ATM: variants seen among roughly 807,000 people sequenced by gnomAD.
The protein encoded by ATM is serine-protein kinase ATM.
A neutral mutation model predicts 387.0 loss-of-function variants in ATM; 308 were observed. That is an observed-to-expected ratio of 0.80 (90% CI 0.73 to 0.87). ATM has a LOEUF of 0.87. Ranked by LOEUF, ATM falls within the 40% of genes least tolerant of loss-of-function variation. The pLI, the probability that ATM is intolerant of heterozygous loss-of-function variation, is 0.00. For missense variants in ATM, 3,312 were observed against 3,560.9 expected (o/e 0.93, Z 1.78); for synonymous variants, 1,156 against 1,187.3 (o/e 0.97, Z 0.54).
chr11:108,331,470 T>A lies in ATM; in HGVS notation c.7542T>A (p.Tyr2514Ter), dbSNP rs777925486. ...GAGACGGAATGAAGATTCCAACATA[T>A]AAATTTTTGCCTCTTATGTACCAAT... The part of the protein sequence containing the change: ...MKRDGMKIPT[Y>*]KFLPLMYQLA... Residue 2514 changes from tyrosine (Y) to a stop codon, truncating the protein, a stop_gained, in exon 51 of 63, where the codon TAT (tyrosine) becomes TAA (stop). Transcript: ENST00000675843. LOFTEE classifies it high-confidence loss of function. 2 of 1,613,490 alleles carry A rather than the reference T, an allele frequency of 1.2e-6. No homozygotes were observed. Among genetic ancestry groups the A allele is most frequent in the South Asian group, 1.1e-5 (1 of 91,038 alleles).
chr11:108,338,723 TTAAAG>T (rs1190318755), intron 56 of ATM, among the ~76,000 whole-genome samples: 4 of 152,218 alleles, frequency 2.6e-5, no homozygotes, highest in African/African-American at 9.6e-5. Context: ...CATCTCAATA[TTAAAG>T]TAAAACCTGT....
rs774940342 is a variant in ATM, at chr11:108,247,145, T to G, written c.1065+18T>G. ...GTCACCAGGTACAGTAAGTAGGTCA[T>G]GTCACATTTAGAAATTTCCTGTTAA... is the stretch of plus-strand genomic sequence containing the variant. On this transcript the variant is annotated intron_variant, in intron 8 of 62. Transcript: ENST00000675843. 6.2e-7 allele frequency: 1 copy of G among 1,613,256 alleles called. No homozygotes were observed. Among genetic ancestry groups the G allele is most frequent in the Admixed American group, 1.7e-5 (1 of 59,988 alleles).
At chr11:108,250,582 A>C (rs866230078) in intron 9 of ATM, 119 bp from the exon 10 acceptor site, 2 of 1,133,516 alleles carry the variant, frequency 1.8e-6, no homozygotes, top group African/African-American at 3.1e-5. Flanking sequence ...TTAGAGTACT[A>C]TGGAAATGAT....
chr11:108,337,395 T>A (rs1220397532), intron 56 of ATM, among the ~76,000 whole-genome samples: 1 of 152,256 alleles, frequency 6.6e-6, no homozygotes, highest in Non-Finnish European at 1.5e-5. Context: ...CTATAAAGGC[T>A]ACTCTGTAGA....
intron 53 of ATM, among the ~76,000 whole-genome samples, chr11:108,333,282 T>C (rs2086479149): frequency 6.6e-6 from 1 of 152,198 alleles, no homozygotes; most frequent in Admixed American, 6.5e-5. Context: ...AAAAAAAGGC[T>C]TTACCATTTC....
Position 108,315,813 on chromosome 11 carries a change from A to G in ATM, c.6007-10A>G, listed in dbSNP as rs373395916. 9.3e-6 allele frequency: 15 copies of G among 1,605,696 alleles called. No homozygotes were observed. Among genetic ancestry groups the G allele is most frequent in the Non-Finnish European group, 1.2e-5 (14 of 1,172,922 alleles). Reference sequence around the variant, plus strand: ...TCCTTCTTCAATTTTTGTTGTTTCCATGTTTTCAGGATCTTCTCTTAGAAA... The same window carrying G: ...TCCTTCTTCAATTTTTGTTGTTTCCGTGTTTTCAGGATCTTCTCTTAGAAA... On this transcript the variant is annotated splice_polypyrimidine_tract_variant and intron_variant, in intron 40 of 62. Coordinates refer to ENST00000675843, the MANE Select transcript of ATM (RefSeq NM_000051.4).
intron 4 of ATM, among the ~76,000 whole-genome samples, chr11:108,233,147 C>T (rs1375845695): frequency 6.6e-6 from 1 of 152,198 alleles, no homozygotes; most frequent in Non-Finnish European, 1.5e-5. Flanking sequence ...TAGGCGTGAG[C>T]CACTGTGCCC....
At chr11:108,308,080 T>G in intron 38 of ATM, 96 bp downstream of exon 38, 1 of 1,115,820 alleles carries the variant, frequency 9.0e-7, no homozygotes, top group Non-Finnish European at 1.3e-6. Flanking sequence ...GGTGAAGGTG[T>G]TGCAAAGTGT....
Position 108,235,783 on chromosome 11 carries a change from ATTCT to A in ATM, c.450_453del (p.Ser151Ter), listed in dbSNP as rs771936821. On this transcript the variant is annotated frameshift_variant, in exon 5 of 63. Transcript: ENST00000675843. LOFTEE classifies it high-confidence loss of function. Reference sequence around the variant, plus strand: ...TTGTAGCAACATACTACTCAAAGACATTCTTTCTGTGAGAAAATACTGGTGTGAA... The same window carrying A: ...TTGTAGCAACATACTACTCAAAGACATTCTGTGAGAAAATACTGGTGTGAA... The A allele has an allele frequency of 3.1e-6, 5 of 1,613,784 alleles. No homozygotes were observed. Among genetic ancestry groups the A allele is most frequent in the Non-Finnish European group, 4.2e-6 (5 of 1,179,888 alleles).
In ATM at chr11:108,335,962, G is replaced by A. The variant is rs876658957; in HGVS notation, c.8268+1G>A. 1 of 1,593,096 alleles carries A rather than the reference G, an allele frequency of 6.3e-7. No homozygotes were observed. The highest frequency in any genetic ancestry group is 8.6e-7 in the Non-Finnish European group (1 of 1,161,174). Reference sequence around the variant, plus strand: ...GAAATTAACTATCTGTACTTATAAGGTAACTATTTGTACTTCTGTTAGTTC... The same window carrying A: ...GAAATTAACTATCTGTACTTATAAGATAACTATTTGTACTTCTGTTAGTTC... On this transcript the variant is annotated splice_donor_variant, in intron 56 of 62. Coordinates refer to ENST00000675843, the MANE Select transcript of ATM (RefSeq NM_000051.4). LOFTEE classifies it high-confidence loss of function.
intron 58 of ATM, among the ~76,000 whole-genome samples, chr11:108,346,141 TAAA>T (rs1347058962): frequency 1.3e-5 from 2 of 152,132 alleles, no homozygotes; most frequent in Non-Finnish European, 2.9e-5. Context: ...CAATAAATAA[TAAA>T]AAGACAGGGT....
At chr11:108,313,138 T>C (rs1000288244) in intron 40 of ATM, among the ~76,000 whole-genome samples, 2 of 152,236 alleles carry the variant, frequency 1.3e-5, no homozygotes, top group Non-Finnish European at 2.9e-5. Context: ...TCCGTCATGT[T>C]ACAGAAACAG....
intron 16 of ATM, among the ~76,000 whole-genome samples, chr11:108,259,926 T>C (rs2080756567): frequency 6.6e-6 from 1 of 152,196 alleles, no homozygotes; most frequent in African/African-American, 2.4e-5. Context: ...ACTGTACTTA[T>C]TTTATAAGCT....
intron 49 of ATM, among the ~76,000 whole-genome samples, chr11:108,329,843 GGTTT>G (rs1434751521): frequency 5.3e-5 from 8 of 151,968 alleles, no homozygotes; most frequent in South Asian, 2.1e-4. Flanking sequence ...TTGCTTTTTT[GGTTT>G]GTTTGTTGGT....
intron 32 of ATM, among the ~76,000 whole-genome samples, chr11:108,296,819 C>T (rs2083147434): frequency 6.6e-6 from 1 of 152,130 alleles, no homozygotes. Context: ...TGGTACTGAA[C>T]ACATATCAAG....
At chr11:108,270,512 A>C (rs1012485654) in intron 18 of ATM, among the ~76,000 whole-genome samples, 41 of 152,242 alleles carry the variant, frequency 2.7e-4, no homozygotes, top group African/African-American at 9.1e-4. Flanking sequence ...TCTACTGATG[A>C]GGGTACGAAG....
At chr11:108,226,770 G>C in intron 1 of ATM, 1 of 151,780 alleles carries the variant, frequency 6.6e-6, no homozygotes, top group African/African-American at 2.4e-5. Context: ...GCAGTGGCGC[G>C]ATCTCCGCTC....
At chr11:108,258,017 C>G (rs1005268678) in intron 15 of ATM, among the ~76,000 whole-genome samples, 3 of 152,142 alleles carry the variant, frequency 2.0e-5, no homozygotes, top group Non-Finnish European at 4.4e-5. Context: ...CCACCTCAGC[C>G]TCCTTAGTAG....
chr11:108,343,160 T>G (rs916021017), intron 56 of ATM, 62 bp from the exon 57 acceptor site: 27 of 1,595,230 alleles, frequency 1.7e-5, no homozygotes, highest in Non-Finnish European at 2.1e-5. Flanking sequence ...GATAGCTGAA[T>G]GATCATCAAA....
Sources: gnomAD v4.1 joint callset for allele counts (sites outside exome capture counted in the v4.1 genomes callset) on GRCh38, gnomAD v4.1.1 for gene constraint, MANE v1.5 for transcripts, NCBI Gene and HGNC (gene_info 2026-07-23, HGNC 2026-07-21) for gene names.